Variants in ESR1 observed in about 807,000 individuals in gnomAD.
ESR1 encodes the protein estrogen receptor 1.
In ESR1, 12 loss-of-function variants were observed where a neutral mutation model predicts 52.7. The ratio of observed to expected loss-of-function variants is 0.23; its 90% confidence interval spans 0.15 to 0.37. The LOEUF (loss-of-function observed/expected upper bound fraction) is 0.37. Ranked by LOEUF, ESR1 falls within the 10% of genes least tolerant of loss-of-function variation. The pLI is 1.00. For missense variants in ESR1, 584 were observed against 779.7 expected (o/e 0.75, Z 2.99); for synonymous variants, 305 against 316.8 (o/e 0.96, Z 0.39).
At chr6:151,823,607 G>A (rs1228558663) in intron 1 of ESR1, among the ~76,000 whole-genome samples, 1 of 152,010 alleles carries the variant, frequency 6.6e-6, no homozygotes, top group South Asian at 2.1e-4. Flanking sequence ...ATCTCCTAAT[G>A]CTATCCCTCC....
intron 6 of ESR1, among the ~76,000 whole-genome samples, chr6:152,067,809 G>C (rs1402478792): frequency 6.6e-6 from 1 of 152,126 alleles, no homozygotes; most frequent in African/African-American, 2.4e-5. Flanking sequence ...CCTGGGTGAT[G>C]AGAGCAAAAC....
chr6:152,127,844 C>T (rs1204523435), exon 7 of ESR1: 1 of 152,136 alleles, frequency 6.6e-6, no homozygotes, highest in Non-Finnish European at 1.5e-5. Flanking sequence ...CCCCCACTGC[C>T]CTTGCTTAAA....
intron 3 of ESR1, among the ~76,000 whole-genome samples, chr6:151,881,426 G>C (rs2128336062): frequency 6.6e-6 from 1 of 152,196 alleles, no homozygotes; most frequent in Non-Finnish European, 1.5e-5. Context: ...GTGGTTTTCT[G>C]TCTTCTCATG....
chr6:151,780,370 G>T (rs1316299411), intron 2 of ESR1, among the ~76,000 whole-genome samples: 1 of 151,350 alleles, frequency 6.6e-6, no homozygotes, highest in Non-Finnish European at 1.5e-5. Flanking sequence ...AAAAGAAAAA[G>T]AAAAAGAAAA....
At chr6:152,033,241 C>G (rs1380449314) in intron 5 of ESR1, among the ~76,000 whole-genome samples, 1 of 152,126 alleles carries the variant, frequency 6.6e-6, no homozygotes, top group Non-Finnish European at 1.5e-5. Flanking sequence ...GCAAGGACTT[C>G]ATGTCTAAAA....
At chr6:151,909,093 G>A (rs1797868791) in intron 3 of ESR1, among the ~76,000 whole-genome samples, 1 of 152,124 alleles carries the variant, frequency 6.6e-6, no homozygotes, top group African/African-American at 2.4e-5. Flanking sequence ...AAATGGAAAA[G>A]GGCAACCCAA....
At chr6:151,911,311 GT>G (rs1447995176) in intron 3 of ESR1, among the ~76,000 whole-genome samples, 4 of 152,158 alleles carry the variant, frequency 2.6e-5, no homozygotes, top group Admixed American at 6.5e-5. Context: ...GCTAACCAAT[GT>G]GATTAAATGT....
intron 1 of ESR1, chr6:151,813,343 A>C (rs1048605276): frequency 6.6e-6 from 1 of 152,216 alleles, no homozygotes; most frequent in East Asian, 1.9e-4. Context: ...CTTTCTTACA[A>C]CCCGCTTGTA....
chr6:151,829,013 C>T (rs780605435), intron 1 of ESR1, among the ~76,000 whole-genome samples: 4 of 152,250 alleles, frequency 2.6e-5, no homozygotes, highest in Non-Finnish European at 4.4e-5. Context: ...CAAAGAGGTC[C>T]CTTAGCATCT....
chr6:152,082,836 C>T (rs2129012053), intron 6 of ESR1, among the ~76,000 whole-genome samples: 2 of 152,212 alleles, frequency 1.3e-5, no homozygotes, highest in Non-Finnish European at 2.9e-5. Context: ...AACAGAGAGC[C>T]AAATCATGAG....
At chr6:151,796,165 CAAAA>C (rs546866561) in intron 2 of ESR1, among the ~76,000 whole-genome samples, 1 of 79,054 alleles carries the variant, frequency 1.3e-5, no homozygotes. Flanking sequence ...GACTCCGTCT[CAAAA>C]AAAAAAAAAA....
chr6:152,082,703 T>C (rs934596367), intron 6 of ESR1, among the ~76,000 whole-genome samples: 4 of 152,194 alleles, frequency 2.6e-5, no homozygotes, highest in African/African-American at 9.6e-5. Context: ...CGATTGTATA[T>C]TTAGAAAACC....
intron 3 of ESR1, among the ~76,000 whole-genome samples, chr6:151,883,095 G>A (rs1303244460): frequency 6.6e-6 from 1 of 151,890 alleles, no homozygotes; most frequent in African/African-American, 2.4e-5. Flanking sequence ...TCAAAGTGCT[G>A]GAATATTTGG....
At chr6:151,744,281 AC>A (rs1783322312) in intron 2 of ESR1, among the ~76,000 whole-genome samples, 1 of 152,078 alleles carries the variant, frequency 6.6e-6, no homozygotes, top group African/African-American at 2.4e-5. Context: ...TATTTATCTA[AC>A]TTTTTGAGAA....
intron 1 of ESR1, among the ~76,000 whole-genome samples, chr6:151,680,169 A>AGGTG (rs1352833305): frequency 6.6e-6 from 1 of 150,718 alleles, no homozygotes; most frequent in Non-Finnish European, 1.5e-5. Context: ...GGCCTCTTCC[A>AGGTG]GGTGCAGACA....
At chr6:152,012,633 G>A (rs919542909) in intron 5 of ESR1, among the ~76,000 whole-genome samples, 8 of 152,180 alleles carry the variant, frequency 5.3e-5, no homozygotes, top group African/African-American at 1.4e-4. Flanking sequence ...GCTCCGGTAT[G>A]CTCTGTTACC....
chr6:151,892,006 A>T (rs2128369131), intron 3 of ESR1, among the ~76,000 whole-genome samples: 1 of 152,288 alleles, frequency 6.6e-6, no homozygotes, highest in Non-Finnish European at 1.5e-5. Context: ...TTTTTAGATA[A>T]TTCTATTTTT....
At chr6:151,880,797 T>C (rs1792769524) in intron 3 of ESR1, 26 bp downstream of exon 3, 9 of 1,239,530 alleles carry the variant, frequency 7.3e-6, no homozygotes, top group Admixed American at 3.4e-5. Flanking sequence ...CCAGGGGCCC[T>C]TGGGGATGGC....
At chr6:152,016,815 T>C (rs188192127) in intron 5 of ESR1, among the ~76,000 whole-genome samples, 31 of 152,170 alleles carry the variant, frequency 2.0e-4, no homozygotes, top group African/African-American at 7.2e-4. Flanking sequence ...ATTTTTCTCA[T>C]ATCTCAGGCA....
Sources: gnomAD v4.1 joint callset for allele counts (sites outside exome capture counted in the v4.1 genomes callset) on GRCh38, gnomAD v4.1.1 for gene constraint, MANE v1.5 for transcripts, NCBI Gene and HGNC (gene_info 2026-07-23, HGNC 2026-07-21) for gene names.